The following CEP112 variants were observed in gnomAD, a reference collection of about 807,000 sequenced individuals.
CEP112 encodes the protein centrosomal protein of 112 kDa.
In CEP112, 127 loss-of-function variants were observed where a neutral mutation model predicts 153.0. The ratio of observed to expected loss-of-function variants is 0.83; its 90% CI spans 0.72 to 0.96. CEP112 has a LOEUF of 0.96. Ranked by LOEUF, CEP112 falls within the 40% of genes least tolerant of loss-of-function variation. The pLI is 0.00. For synonymous variants in CEP112, 358 were observed against 374.4 expected (o/e 0.96, Z 0.51); for missense variants, 1,089 against 1,101.2 (o/e 0.99, Z 0.16).
At chr17:65,886,902 C>CA (rs1203535596) in intron 20 of CEP112, among the ~76,000 whole-genome samples, 5 of 151,896 alleles carry the variant, frequency 3.3e-5, no homozygotes, top group Non-Finnish European at 7.4e-5. Context: ...AATGCTTACT[C>CA]AAAAAAACGA....
chr17:65,817,459 C>T (rs1342038959), intron 21 of CEP112, among the ~76,000 whole-genome samples: 1 of 151,820 alleles, frequency 6.6e-6, no homozygotes, highest in East Asian at 1.9e-4. Context: ...AAGATCAGAT[C>T]AAAGCAAAAA....
chr17:66,156,413 T>C (rs1334438533), intron 4 of CEP112, among the ~76,000 whole-genome samples: 2 of 151,936 alleles, frequency 1.3e-5, no homozygotes, highest in Non-Finnish European at 2.9e-5. Flanking sequence ...GATAAAGCCA[T>C]GAAGATGAGG....
rs111614581 is a variant in CEP112 at position 66,183,390 on chromosome 17, T to C, written c.-8-83A>G. On this transcript the variant is annotated intron_variant, in intron 1 of 26. Transcript: ENST00000535342. ...CTGATGAGAAAGATAAAAAAAACTC[T>C]TAAGTGTTAGATATCAGTTCTCCCC... 9.6e-6 allele frequency: 9 copies of C among 938,280 alleles called. 1 individual carries two copies. The highest frequency in any genetic ancestry group is 1.3e-5 in the Non-Finnish European group (8 of 631,568). The allele number at this position is 938,280 out of a possible 1,614,324, so 58.1% of individuals were successfully genotyped here. A position where few individuals can be genotyped will look rare whatever the true frequency, so the allele number is the denominator to read the frequency against.
chr17:65,923,732 T>C (rs191513079), intron 19 of CEP112, among the ~76,000 whole-genome samples: 51 of 152,272 alleles, frequency 3.3e-4, no homozygotes, highest in African/African-American at 1.1e-3. Context: ...CCCTAACCCA[T>C]AATACCAGGC....
chr17:65,898,844 C>CA (rs2059748622), intron 20 of CEP112, among the ~76,000 whole-genome samples: 1 of 152,068 alleles, frequency 6.6e-6, no homozygotes, highest in Non-Finnish European at 1.5e-5. Flanking sequence ...TGGGGAGAAT[C>CA]ACAAAGGTTC....
chr17:65,976,360 T>G (rs7213300), intron 17 of CEP112, among the ~76,000 whole-genome samples: 1 of 152,058 alleles, frequency 6.6e-6, no homozygotes, highest in Non-Finnish European at 1.5e-5. Context: ...TGGCCTTGAC[T>G]GTCTCCCAAA....
chr17:65,714,139 C>G (rs967349525), intron 23 of CEP112, among the ~76,000 whole-genome samples: 7 of 152,064 alleles, frequency 4.6e-5, no homozygotes, highest in South Asian at 4.2e-4. Context: ...AGAATGTATC[C>G]CTTTGAGCTC....
chr17:66,130,279 C>T (rs1448592310), intron 5 of CEP112, among the ~76,000 whole-genome samples: 2 of 151,278 alleles, frequency 1.3e-5, no homozygotes, highest in Non-Finnish European at 3.0e-5. Flanking sequence ...AGTTCTTTTA[C>T]AAAAAGTTTT....
At chr17:65,830,335 C>T (rs1393371890) in intron 21 of CEP112, among the ~76,000 whole-genome samples, 2 of 152,202 alleles carry the variant, frequency 1.3e-5, no homozygotes, top group Admixed American at 6.5e-5. Flanking sequence ...GACTATGCTG[C>T]CCTCTCCCAC....
chr17:65,883,914 A>C (rs1192666626), intron 20 of CEP112, among the ~76,000 whole-genome samples: 1 of 152,208 alleles, frequency 6.6e-6, no homozygotes, highest in Non-Finnish European at 1.5e-5. Flanking sequence ...GGTTAAGAGA[A>C]AGGAAAAAAA....
intron 23 of CEP112, among the ~76,000 whole-genome samples, chr17:65,742,234 C>T (rs2051180357): frequency 6.6e-6 from 1 of 152,086 alleles, no homozygotes; most frequent in African/African-American, 2.4e-5. Context: ...AGCTGTAAAA[C>T]CCCAATTTTT....
chr17:65,953,897 G>A (rs931181332), intron 18 of CEP112, among the ~76,000 whole-genome samples: 6 of 152,082 alleles, frequency 3.9e-5, no homozygotes, highest in Admixed American at 2.6e-4. Flanking sequence ...GACAAAAATC[G>A]TAATCTTTTG....
intron 25 of CEP112, 124 bp from the exon 26 acceptor site, chr17:65,637,312 G>A (rs2044825250): frequency 4.3e-6 from 3 of 699,342 alleles, no homozygotes; most frequent in African/African-American, 3.5e-5. Context: ...AGGATTTGTT[G>A]AATGTCAATG....
At chr17:65,658,891 G>T (rs1006026409) in intron 24 of CEP112, among the ~76,000 whole-genome samples, 2 of 151,754 alleles carry the variant, frequency 1.3e-5, no homozygotes, top group Non-Finnish European at 2.9e-5. Context: ...GGGAAGGAGG[G>T]AAAGTAGGTG....
intron 17 of CEP112, among the ~76,000 whole-genome samples, chr17:65,986,574 C>T (rs2063414686): frequency 6.6e-6 from 1 of 152,112 alleles, no homozygotes; most frequent in African/African-American, 2.4e-5. Flanking sequence ...TGTTGGTGTA[C>T]TATATGTAGG....
chr17:66,019,321 ACAAC>A lies in CEP112; in HGVS notation c.1656+8176_1656+8179del, dbSNP rs1253476892. ...ACCTGTAACACTAACAACAACAACA[ACAAC>A]AAAAAAGCCCTATACATCCCATTTA... On this transcript the variant is annotated intron_variant, in intron 16 of 26. Transcript: ENST00000535342. Among the ~76,000 whole-genome samples the A allele has an allele frequency of 2.4e-4, 14 of 57,712 alleles. 1 individual carries two copies. The highest frequency in any genetic ancestry group is 7.6e-3 in the East Asian group (1 of 132). The allele number at this position is 57,712 out of a possible 152,430, so 37.9% of individuals were successfully genotyped here.
chr17:66,180,047 T>C (rs1051189928), intron 2 of CEP112, among the ~76,000 whole-genome samples: 3 of 152,212 alleles, frequency 2.0e-5, no homozygotes, highest in African/African-American at 7.2e-5. Context: ...TAGTTGGTCA[T>C]GATGAATGAT....
At chr17:65,768,269 T>C (rs2053120997) in intron 21 of CEP112, among the ~76,000 whole-genome samples, 1 of 152,040 alleles carries the variant, frequency 6.6e-6, no homozygotes, top group African/African-American at 2.4e-5. Context: ...TATTTAATAT[T>C]CATTAAGTGG....
chr17:65,678,198 C>T (rs908680076), intron 24 of CEP112, among the ~76,000 whole-genome samples: 1 of 151,758 alleles, frequency 6.6e-6, no homozygotes, highest in African/African-American at 2.4e-5. Context: ...TACCTGTTCA[C>T]TGAATTCTAT....
Sources: allele counts gnomAD v4.1 joint callset (sites outside exome capture counted in the v4.1 genomes callset), GRCh38; gene constraint gnomAD v4.1.1; transcripts MANE v1.5; gene names NCBI Gene and HGNC (gene_info 2026-07-23, HGNC 2026-07-21).